Variants in SCMH1 observed in about 807,000 individuals in gnomAD.
SCMH1 encodes polycomb protein SCMH1.
SCMH1 carries 37 observed loss-of-function variants against 70.8 expected under a neutral mutation model. The observed-to-expected ratio is 0.52, with a 90% CI of 0.40 to 0.69. The LOEUF (loss-of-function observed/expected upper bound fraction) is 0.69, where lower values mean the gene tolerates loss of function less well. SCMH1 is among the 30% of genes least tolerant of loss of function. The pLI, the probability that SCMH1 is intolerant of heterozygous loss-of-function variation, is 0.00. For synonymous variants in SCMH1, 292 were observed against 307.4 expected, an observed-to-expected ratio of 0.95 and a Z score of 0.52; for missense variants, 607 against 827.3, an observed-to-expected ratio of 0.73 and a Z score of 3.27.
At chr1:41,130,148 C>G (rs1674281219) in intron 6 of SCMH1, among the ~76,000 whole-genome samples, 1 of 152,152 alleles carries the variant, frequency 6.6e-6, no homozygotes, top group Non-Finnish European at 1.5e-5. Flanking sequence ...AAAATATATT[C>G]AAGTCCTTTG....
chr1:41,056,365 T>C (rs1447454608), intron 10 of SCMH1, among the ~76,000 whole-genome samples: 2 of 152,254 alleles, frequency 1.3e-5, no homozygotes, highest in Admixed American at 6.5e-5. Context: ...ATAGAATATA[T>C]TGATCTTTTC....
intron 10 of SCMH1, among the ~76,000 whole-genome samples, chr1:41,061,719 C>G (rs1386517954): frequency 2.0e-5 from 3 of 152,200 alleles, no homozygotes; most frequent in Non-Finnish European, 4.4e-5. Context: ...GCCCCTCAAT[C>G]AACTGAAATA....
At chr1:41,122,240 C>T (rs996519060) in intron 6 of SCMH1, among the ~76,000 whole-genome samples, 3 of 152,172 alleles carry the variant, frequency 2.0e-5, no homozygotes, top group African/African-American at 4.8e-5. Flanking sequence ...CATCTCTTAT[C>T]ACTCCCTTGT....
chr1:41,133,809 A>G (rs892377369), intron 6 of SCMH1, among the ~76,000 whole-genome samples: 1 of 152,206 alleles, frequency 6.6e-6, no homozygotes, highest in Non-Finnish European at 1.5e-5. Context: ...CCAACCAAAA[A>G]AAGTCCAGGA....
intron 5 of SCMH1, among the ~76,000 whole-genome samples, chr1:41,150,662 C>A (rs1644988110): frequency 6.6e-6 from 1 of 151,998 alleles, no homozygotes; most frequent in Non-Finnish European, 1.5e-5. Flanking sequence ...TATGGCCGGG[C>A]ACGGTGGCTC....
At chr1:41,105,490 T>C (rs11583704) in intron 8 of SCMH1, among the ~76,000 whole-genome samples, 11,876 of 152,238 alleles carry the variant, frequency 0.078, 596 homozygotes, top group South Asian at 0.13. Context: ...CCATTTAACA[T>C]GGACTCCAGG....
chr1:41,130,134 G>GA (rs1307108041), intron 6 of SCMH1, among the ~76,000 whole-genome samples: 1 of 151,848 alleles, frequency 6.6e-6, no homozygotes. Context: ...ATCTTCTTTG[G>GA]AAAAAAATAT....
chr1:41,141,535 T>C (rs903516573), intron 6 of SCMH1, among the ~76,000 whole-genome samples: 1 of 152,206 alleles, frequency 6.6e-6, no homozygotes, highest in African/African-American at 2.4e-5. Context: ...GAAATATTCT[T>C]ATGAAAAAAT....
chr1:41,073,511 C>A (rs1416614343), intron 9 of SCMH1, among the ~76,000 whole-genome samples: 1 of 152,070 alleles, frequency 6.6e-6, no homozygotes, highest in Non-Finnish European at 1.5e-5. Flanking sequence ...TTAGTGGTAA[C>A]AGATCAAGAG....
chr1:41,212,821 T>A (rs185789320), intron 1 of SCMH1, among the ~76,000 whole-genome samples: 15 of 152,298 alleles, frequency 9.8e-5, no homozygotes, highest in Admixed American at 9.2e-4. Context: ...TTTAAATTAA[T>A]TTTTAAAAAT....
In SCMH1 at chr1:41,113,213, C is replaced by T. The variant is rs536198886; in HGVS notation, c.745+70G>A. 394 of 1,548,082 alleles carry T rather than the reference C, an allele frequency of 2.5e-4. 1 individual carries two copies. Among genetic ancestry groups the T allele is most frequent in the Non-Finnish European group, 3.3e-4 (378 of 1,147,938 alleles). On this transcript the variant is annotated intron_variant, in intron 8 of 14. Transcript: ENST00000337495. This position sits in a 1 kb window ranked among gnomAD's most constrained non-coding sequence, Gnocchi z 4.3. ...TGAAGTATACTGGTGAAGATATGAT[C>T]ATGACAGCCCTGGGTAGTCTCCCTT...
intron 6 of SCMH1, among the ~76,000 whole-genome samples, chr1:41,130,715 A>G (rs1674467140): frequency 6.6e-6 from 1 of 152,190 alleles, no homozygotes; most frequent in South Asian, 2.1e-4. Context: ...CAAAGTGTGC[A>G]AACATCACTT....
intron 1 of SCMH1, among the ~76,000 whole-genome samples, chr1:41,203,027 A>T (rs1049345914): frequency 5.9e-5 from 9 of 152,046 alleles, no homozygotes; most frequent in African/African-American, 1.9e-4. Context: ...TAAAAGTTTT[A>T]AAAAAAGAAA....
At chr1:41,213,717 T>C (rs1657524793) in intron 1 of SCMH1, among the ~76,000 whole-genome samples, 1 of 152,158 alleles carries the variant, frequency 6.6e-6, no homozygotes, top group Admixed American at 6.5e-5. Context: ...CAAGTTTAAC[T>C]GTTTCTTCAG....
At chr1:41,034,888 T>G (rs1172364598) in intron 13 of SCMH1, among the ~76,000 whole-genome samples, 1 of 152,202 alleles carries the variant, frequency 6.6e-6, no homozygotes, top group Non-Finnish European at 1.5e-5. Context: ...ATGAAGACTT[T>G]TTGTTACTTA....
intron 1 of SCMH1, among the ~76,000 whole-genome samples, chr1:41,221,610 A>G (rs1322206195): frequency 6.6e-6 from 1 of 150,936 alleles, no homozygotes; most frequent in South Asian, 2.1e-4. Context: ...GCTAGGGCCC[A>G]GGCGCGGTGG....
At chr1:41,066,891 T>C (rs1032222386) in intron 10 of SCMH1, among the ~76,000 whole-genome samples, 7 of 152,122 alleles carry the variant, frequency 4.6e-5, no homozygotes, top group Non-Finnish European at 7.4e-5. Flanking sequence ...TGCCCAGCCC[T>C]AGTCAGCCAT....
intron 1 of SCMH1, among the ~76,000 whole-genome samples, chr1:41,189,565 CAGA>C (rs1307450794): frequency 2.0e-5 from 3 of 152,136 alleles, no homozygotes; most frequent in Non-Finnish European, 4.4e-5. Flanking sequence ...AATGATCCAC[CAGA>C]AGAAGGGGGA....
chr1:41,138,857 A>G (rs1643765321), intron 6 of SCMH1, among the ~76,000 whole-genome samples: 1 of 152,126 alleles, frequency 6.6e-6, no homozygotes, highest in Non-Finnish European at 1.5e-5. Context: ...TTCATATTGA[A>G]GCTTTTTATA....
Sources: gnomAD v4.1 joint callset for allele counts (sites outside exome capture counted in the v4.1 genomes callset) on GRCh38, gnomAD v4.1.1 for gene constraint, Gnocchi (gnomAD v3.1) non-coding constraint, MANE v1.5 for transcripts, NCBI Gene and HGNC (gene_info 2026-07-23, HGNC 2026-07-21) for gene names.